Variants in DCDC2 observed in about 807,000 individuals in gnomAD.
DCDC2 encodes doublecortin domain-containing protein 2.
Under a neutral mutation model 50.2 loss-of-function variants are expected in DCDC2, and 40 were observed. The ratio of observed to expected loss-of-function variants is 0.80; its 90% CI spans 0.62 to 1.04. The LOEUF is 1.04. Ranked by LOEUF, DCDC2 falls within the 50% of genes least tolerant of loss-of-function variation. The pLI, the probability that DCDC2 is intolerant of heterozygous loss-of-function variation, is 0.00. For synonymous variants in DCDC2, 234 were observed against 210.6 expected, an observed-to-expected ratio of 1.11 and a Z score of -0.96; for missense variants, 570 against 581.9, an observed-to-expected ratio of 0.98 and a Z score of 0.21.
At chr6:24,201,178 AC>A (rs1298564304) in intron 8 of DCDC2, among the ~76,000 whole-genome samples, 5 of 152,080 alleles carry the variant, frequency 3.3e-5, no homozygotes, top group Admixed American at 3.3e-4. Context: ...AGAATCCACC[AC>A]CCCAAATCAA....
chr6:24,314,667 G>T (rs879880587), intron 2 of DCDC2, among the ~76,000 whole-genome samples: 1 of 152,000 alleles, frequency 6.6e-6, no homozygotes, highest in Non-Finnish European at 1.5e-5. Context: ...ACATTGACTA[G>T]ATCAGCTAGG....
At chr6:24,314,765 G>A (rs1759631612) in intron 2 of DCDC2, among the ~76,000 whole-genome samples, 1 of 151,994 alleles carries the variant, frequency 6.6e-6, no homozygotes, top group Middle Eastern at 3.4e-3. Context: ...AATTAAATTT[G>A]AATAAGTGTC....
chr6:24,234,608 G>T (rs149599458), intron 7 of DCDC2, among the ~76,000 whole-genome samples: 4 of 152,188 alleles, frequency 2.6e-5, no homozygotes, highest in African/African-American at 9.6e-5. Flanking sequence ...CAAATATTTA[G>T]TAAGTAAAAT....
At chr6:24,354,527 A>T (rs535129626) in intron 1 of DCDC2, among the ~76,000 whole-genome samples, 1 of 152,144 alleles carries the variant, frequency 6.6e-6, no homozygotes, top group African/African-American at 2.4e-5. Flanking sequence ...TAGTTAATTC[A>T]TATCTCTGGA....
chr6:24,250,608 G>A (rs946501565), intron 7 of DCDC2, among the ~76,000 whole-genome samples: 7 of 152,162 alleles, frequency 4.6e-5, no homozygotes, highest in African/African-American at 1.4e-4. Context: ...CAATCTGCAT[G>A]CACAAATATA....
At chr6:24,301,089 G>T (rs1195230664) in intron 4 of DCDC2, among the ~76,000 whole-genome samples, 2 of 151,206 alleles carry the variant, frequency 1.3e-5, no homozygotes, top group Non-Finnish European at 2.9e-5. Flanking sequence ...TTAAGAGGCT[G>T]GGCCGGGCTT....
intron 4 of DCDC2, among the ~76,000 whole-genome samples, chr6:24,301,088 T>C (rs1581640161): frequency 6.7e-6 from 1 of 149,624 alleles, no homozygotes; most frequent in Admixed American, 6.7e-5. Flanking sequence ...GTTAAGAGGC[T>C]GGGCCGGGCT....
At chr6:24,217,156 A>C (rs1429350814) in intron 7 of DCDC2, among the ~76,000 whole-genome samples, 1 of 152,170 alleles carries the variant, frequency 6.6e-6, no homozygotes, top group Non-Finnish European at 1.5e-5. Context: ...AAAATAGCCA[A>C]AGAGAAATCA....
rs112405786 is a variant in DCDC2, at chr6:24,215,767, G to C, written c.923-10665C>G. ...GGAGTCTGCATCAGCACCACTCCCG[G>C]CTGAGGGGGCGGCACTGCTTGGTGG... On this transcript the variant is annotated intron_variant, in intron 7 of 9. Coordinates refer to ENST00000378454, the MANE Select transcript of DCDC2 (RefSeq NM_016356.5). Among the ~76,000 whole-genome samples, 28 of 152,334 alleles carry C rather than the reference G, an allele frequency of 1.8e-4. 1 individual carries two copies. Among genetic ancestry groups the C allele is most frequent in the African/African-American group, 6.5e-4 (27 of 41,582 alleles).
chr6:24,339,106 T>C (rs1760109473), intron 2 of DCDC2, among the ~76,000 whole-genome samples: 1 of 152,178 alleles, frequency 6.6e-6, no homozygotes, highest in Admixed American at 6.5e-5. Flanking sequence ...GTTTCTCAAA[T>C]GTACCCTGTG....
chr6:24,203,963 G>A (rs1761647894), intron 8 of DCDC2, among the ~76,000 whole-genome samples: 1 of 152,146 alleles, frequency 6.6e-6, no homozygotes, highest in Admixed American at 6.5e-5. Context: ...ACTTAGAATG[G>A]CAATCATTAA....
At chr6:24,220,877 C>T (rs80079285) in intron 7 of DCDC2, among the ~76,000 whole-genome samples, 5 of 17,524 alleles carry the variant, frequency 2.9e-4, no homozygotes, top group Non-Finnish European at 5.0e-4. Flanking sequence ...AGCAAGAGAG[C>T]GAGAGCGAGA....
chr6:24,179,721 G>T (rs562350129), intron 8 of DCDC2, among the ~76,000 whole-genome samples: 1 of 149,012 alleles, frequency 6.7e-6, no homozygotes, highest in Non-Finnish European at 1.5e-5. Context: ...TTGGGAGGCC[G>T]AGGCGGGCAG....
chr6:24,194,861 G>A (rs553021084), intron 8 of DCDC2, among the ~76,000 whole-genome samples: 64 of 151,700 alleles, frequency 4.2e-4, no homozygotes, highest in Non-Finnish European at 8.2e-4. Flanking sequence ...GAGAAAACAC[G>A]TTTGTTCTGG....
intron 8 of DCDC2, among the ~76,000 whole-genome samples, chr6:24,179,597 C>T (rs1371731056): frequency 1.5e-5 from 2 of 137,358 alleles, no homozygotes; most frequent in Non-Finnish European, 3.1e-5. Context: ...TAAAGTATTT[C>T]ATAAACCTTA....
chr6:24,286,070 C>T (rs1318278039), intron 6 of DCDC2, among the ~76,000 whole-genome samples: 1 of 152,160 alleles, frequency 6.6e-6, no homozygotes, highest in Admixed American at 6.5e-5. Flanking sequence ...TTTTCACCTC[C>T]TGAAATATTC....
At chr6:24,280,523 C>T (rs1763447863) in intron 6 of DCDC2, among the ~76,000 whole-genome samples, 1 of 151,938 alleles carries the variant, frequency 6.6e-6, no homozygotes, top group Non-Finnish European at 1.5e-5. Flanking sequence ...AGTCTTTCAT[C>T]CCAAGATTTT....
intron 8 of DCDC2, among the ~76,000 whole-genome samples, chr6:24,182,947 C>G (rs1010736878): frequency 6.6e-6 from 1 of 152,204 alleles, no homozygotes; most frequent in Non-Finnish European, 1.5e-5. Context: ...TGCAGTATAT[C>G]CATACAATGG....
At chr6:24,346,726 C>T (rs1268825324) in intron 2 of DCDC2, among the ~76,000 whole-genome samples, 4 of 149,274 alleles carry the variant, frequency 2.7e-5, no homozygotes, top group Non-Finnish European at 5.9e-5. Flanking sequence ...TGCACTCCAG[C>T]TTGGGTGACA....
Sources: allele counts gnomAD v4.1 joint callset (sites outside exome capture counted in the v4.1 genomes callset), GRCh38; gene constraint gnomAD v4.1.1; transcripts MANE v1.5; gene names NCBI Gene and HGNC (gene_info 2026-07-23, HGNC 2026-07-21).